Variants in TM4SF5 observed in about 807,000 individuals in gnomAD.
TM4SF5 encodes the protein transmembrane 4 L6 family member 5.
A neutral mutation model predicts 22.3 loss-of-function variants in TM4SF5; 16 were observed. The ratio of observed to expected loss-of-function variants is 0.72; its 90% CI spans 0.49 to 1.09. The LOEUF (loss-of-function observed/expected upper bound fraction) is 1.09. Ranked by LOEUF, TM4SF5 falls within the 50% of genes least tolerant of loss-of-function variation. The pLI is 0.00. For synonymous variants in TM4SF5, 113 were observed against 109.6 expected (o/e 1.03, Z -0.19); for missense variants, 249 against 266.1 (o/e 0.94, Z 0.45).
intron 1 of TM4SF5, among the ~76,000 whole-genome samples, chr17:4,774,122 G>A (rs959719198): frequency 6.6e-6 from 1 of 152,214 alleles, no homozygotes; most frequent in Non-Finnish European, 1.5e-5. Context: ...TCGGGAGACT[G>A]AGGCAGGAGA....
chr17:4,773,516 C>T (rs551144450), intron 1 of TM4SF5, among the ~76,000 whole-genome samples: 2 of 152,314 alleles, frequency 1.3e-5, no homozygotes, highest in Admixed American at 6.5e-5. Context: ...GGACAGTTGG[C>T]TAATGACATT....
Position 4,772,071 on chromosome 17 carries a change from TG to T in TM4SF5, c.152del (p.Gly51AlafsTer8). The T allele has an allele frequency of 6.2e-7, 1 of 1,614,190 alleles. No homozygotes were observed. The highest frequency in any genetic ancestry group is 8.5e-7 in the Non-Finnish European group (1 of 1,180,028). On this transcript the variant is annotated frameshift_variant, in exon 1 of 5. Coordinates refer to ENST00000270560, the MANE Select transcript of TM4SF5 (RefSeq NM_003963.3). LOFTEE classifies it high-confidence loss of function. ...CATCTCAGCTTGCAAGTCTGGCTCA[TG>T]GGCGGCTTCATTGGCGGGGGCCTAA... is the stretch of plus-strand genomic sequence containing the variant. ...TNHLSLQVWL[M>X]GGFIGGGLMV...
intron 3 of TM4SF5, 62 bp downstream of exon 3, chr17:4,782,701 G>A (rs557612844): frequency 2.5e-6 from 4 of 1,601,138 alleles, no homozygotes; most frequent in South Asian, 1.1e-5. Flanking sequence ...CCCTTCCCCC[G>A]TGGACTGGGA....
At chr17:4,782,809 C>A (rs1917339209) in intron 3 of TM4SF5, 45 bp from the exon 4 acceptor site, 7 of 1,586,992 alleles carry the variant, frequency 4.4e-6, no homozygotes, top group Non-Finnish European at 5.1e-6. Context: ...CGGGGTGGCG[C>A]ACGCGCACGC....
intron 1 of TM4SF5, among the ~76,000 whole-genome samples, chr17:4,773,798 T>C (rs1291080040): frequency 6.6e-6 from 1 of 152,178 alleles, no homozygotes; most frequent in Admixed American, 6.5e-5. Flanking sequence ...GAACCACCCC[T>C]GTCTCCCCAC....
chr17:4,772,134 G>T (rs757509128), intron 1 of TM4SF5, 35 bp downstream of exon 1: 3 of 1,613,012 alleles, frequency 1.9e-6, no homozygotes, highest in East Asian at 4.5e-5. Context: ...GGGCCAGCTG[G>T]CTGGGTGCCA....
chr17:4,782,833 G>A (rs1191324589), intron 3 of TM4SF5, 21 bp from the exon 4 acceptor site: 4 of 1,603,538 alleles, frequency 2.5e-6, no homozygotes, highest in Non-Finnish European at 2.6e-6. Context: ...CTTCTCCCAC[G>A]TGGCCTCACC....
chr17:4,772,915 A>T (rs546204386), intron 1 of TM4SF5, among the ~76,000 whole-genome samples: 12 of 148,776 alleles, frequency 8.1e-5, no homozygotes, highest in East Asian at 2.0e-4. Context: ...TATTATTATT[A>T]TTTTTTTGAG....
At chr17:4,782,794 G>T (rs1213230942) in intron 3 of TM4SF5, 60 bp from the exon 4 acceptor site, 17 of 1,578,380 alleles carry the variant, frequency 1.1e-5, no homozygotes, top group Non-Finnish European at 1.5e-5. Flanking sequence ...ACGTATTCTT[G>T]GGGGCGGGGT....
At chr17:4,782,448 C>T (rs936919089) in intron 2 of TM4SF5, 55 bp from the exon 3 acceptor site, 2 of 1,602,686 alleles carry the variant, frequency 1.2e-6, no homozygotes. Flanking sequence ...CGCTGAGCGT[C>T]GTCACCCACA....
intron 1 of TM4SF5, among the ~76,000 whole-genome samples, chr17:4,778,988 T>G (rs1597298727): frequency 7.3e-6 from 1 of 137,024 alleles, no homozygotes; most frequent in Non-Finnish European, 1.5e-5. Flanking sequence ...ACCTGGGAGG[T>G]GGAGGTTGCA....
At chr17:4,783,074 G>C in intron 4 of TM4SF5, 37 bp downstream of exon 4, 1 of 1,614,170 alleles carries the variant, frequency 6.2e-7, no homozygotes, top group Non-Finnish European at 8.5e-7. Context: ...GAGGGAACCT[G>C]CCTGGTCCTG....
chr17:4,782,814 G>T (rs564433202), intron 3 of TM4SF5, 40 bp from the exon 4 acceptor site: 17 of 1,590,596 alleles, frequency 1.1e-5, no homozygotes, highest in Admixed American at 5.2e-5. Flanking sequence ...TGGCGCACGC[G>T]CACGCTGCCT....
intron 2 of TM4SF5, 90 bp downstream of exon 2, chr17:4,780,959 G>C: frequency 3.5e-6 from 4 of 1,128,092 alleles, no homozygotes; most frequent in Non-Finnish European, 5.2e-6. Context: ...GTGGGAGTAC[G>C]GCTTGAGCCA....
rs770361844 is a variant in TM4SF5 at position 4,782,812 on chromosome 17, G to A, written c.396-42G>A. ...TATTCTTGGGGGCGGGGTGGCGCACGCGCACGCTGCCTTCTCCCACGTGGC... is the reference window on the plus strand; with the variant it reads ...TATTCTTGGGGGCGGGGTGGCGCACACGCACGCTGCCTTCTCCCACGTGGC... On this transcript the variant is annotated intron_variant, in intron 3 of 4. Coordinates refer to ENST00000270560, the MANE Select transcript of TM4SF5 (RefSeq NM_003963.3). 1.3e-5 allele frequency: 21 copies of A among 1,589,222 alleles called. No individual in the cohort carries two copies. The South Asian group carries it at 1.6e-4, about 12-fold the overall frequency.
At chr17:4,776,944 A>G (rs1917217987) in intron 1 of TM4SF5, among the ~76,000 whole-genome samples, 1 of 152,166 alleles carries the variant, frequency 6.6e-6, no homozygotes, top group African/African-American at 2.4e-5. Flanking sequence ...TCAAGCCTGT[A>G]ATCCCAGCAC....
At position 4,782,840 on chromosome 17, in the gene TM4SF5, C is replaced by CA; in HGVS notation, c.396-13dup. Reference sequence around the variant, plus strand: ...CACGCTGCCTTCTCCCACGTGGCCTCACCCCTCCCACAGGGGAGCTTACTT... The same window carrying CA: ...CACGCTGCCTTCTCCCACGTGGCCTCAACCCCTCCCACAGGGGAGCTTACTT... On this transcript the variant is annotated splice_polypyrimidine_tract_variant and intron_variant, in intron 3 of 4. Coordinates refer to ENST00000270560, the MANE Select transcript of TM4SF5 (RefSeq NM_003963.3). 6.2e-7 allele frequency: 1 copy of CA among 1,607,134 alleles called. No homozygotes were observed. Among genetic ancestry groups the CA allele is most frequent in the Non-Finnish European group, 8.5e-7 (1 of 1,176,018 alleles).
At chr17:4,779,525 G>A (rs150733695) in intron 1 of TM4SF5, among the ~76,000 whole-genome samples, 19 of 152,262 alleles carry the variant, frequency 1.2e-4, no homozygotes, top group African/African-American at 4.3e-4. Flanking sequence ...TAATAGGGAG[G>A]CTGAGAACAC....
intron 1 of TM4SF5, among the ~76,000 whole-genome samples, chr17:4,779,001 G>A (rs951800471): frequency 6.9e-6 from 1 of 145,962 alleles, no homozygotes; most frequent in Non-Finnish European, 1.5e-5. Context: ...AGGTTGCAGT[G>A]AGCCAAGATC....
Sources: allele counts gnomAD v4.1 joint callset (sites outside exome capture counted in the v4.1 genomes callset), GRCh38; gene constraint gnomAD v4.1.1; transcripts MANE v1.5; gene names NCBI Gene and HGNC (gene_info 2026-07-23, HGNC 2026-07-21).